Variants in FRK observed in about 807,000 individuals in gnomAD.
FRK encodes the protein tyrosine-protein kinase FRK.
Under a neutral mutation model 56.4 loss-of-function variants are expected in FRK, and 51 were observed. That is an observed-to-expected ratio of 0.90 (90% confidence interval 0.72 to 1.14). The LOEUF is 1.14. Ranked by LOEUF, FRK falls within the 50% of genes most tolerant of loss-of-function variation. The pLI, the probability that FRK is intolerant of heterozygous loss-of-function variation, is 0.00. For missense variants in FRK, 570 were observed against 601.4 expected (o/e 0.95, Z 0.55); for synonymous variants, 245 against 217.9 (o/e 1.12, Z -1.10).
intron 5 of FRK, among the ~76,000 whole-genome samples, chr6:115,945,303 G>T (rs1325175765): frequency 6.6e-6 from 1 of 152,158 alleles, no homozygotes; most frequent in Non-Finnish European, 1.5e-5. Flanking sequence ...CTTCCACAAT[G>T]GTTGAACTAA....
At position 115,968,725 on chromosome 6, in the gene FRK, C is replaced by A. The variant is rs143351471; in HGVS notation, c.481G>T (p.Val161Phe). 5 of 1,612,788 alleles carry A rather than the reference C, an allele frequency of 3.1e-6. No individual in the cohort carries two copies. The highest frequency in any genetic ancestry group is 2.5e-6 in the Non-Finnish European group (3 of 1,179,478). ...EFSLSVLDGAVVKHYRIKRLD... is the reference protein window; with the variant it reads ...EFSLSVLDGAFVKHYRIKRLD... ...CTTTTAATTCTGTAGTGTTTTACAA[C>A]TGCTCCATCTAAAACTGGAACCCAA... is the stretch of plus-strand genomic sequence containing the variant. The change falls in exon 3 of 8, where the codon GTT (valine) becomes TTT (phenylalanine). Residue 161 changes from valine to phenylalanine, a missense_variant. Coordinates refer to ENST00000606080, the MANE Select transcript of FRK (RefSeq NM_002031.3).
chr6:116,052,038 C>T (rs764597493), intron 1 of FRK, among the ~76,000 whole-genome samples: 6 of 152,042 alleles, frequency 3.9e-5, no homozygotes, highest in South Asian at 4.1e-4. Flanking sequence ...GCCAGTAAAT[C>T]CTCTACTTTA....
At position 115,937,812 on chromosome 6, in the gene FRK, C is replaced by A. The variant is rs779029159; in HGVS notation, c.*4602G>T. ...TATATATACACCCAATACAGAAGCA[C>A]CCAGATTCATAAAGCAAGTTCTTAG... On this transcript the variant is annotated 3_prime_UTR_variant, in exon 8 of 8. Coordinates refer to ENST00000606080, the MANE Select transcript of FRK (RefSeq NM_002031.3). 3.3e-5 allele frequency: 5 copies of A among 152,134 alleles called. No homozygotes were observed. The highest frequency in any genetic ancestry group is 7.4e-5 in the Non-Finnish European group (5 of 68,024). The allele number at this position is 152,134 out of a possible 1,614,324, so 9.4% of individuals were successfully genotyped here.
intron 1 of FRK, among the ~76,000 whole-genome samples, chr6:116,013,709 G>T (rs1026675615): frequency 6.6e-6 from 1 of 152,080 alleles, no homozygotes. Context: ...GACACTATAT[G>T]GTTATACAGG....
chr6:116,096,344 TC>T, the FRK span, among the ~76,000 whole-genome samples: 1 of 152,158 alleles, frequency 6.6e-6, no homozygotes, highest in African/African-American at 2.4e-5. Context: ...ACTTTGTGGG[TC>T]GAGTGGGGAT....
chr6:115,951,342 C>T (rs1363758965), intron 5 of FRK, among the ~76,000 whole-genome samples: 1 of 152,096 alleles, frequency 6.6e-6, no homozygotes, highest in Admixed American at 6.5e-5. Flanking sequence ...TAATTTAATA[C>T]TCTGAACAAC....
rs1223831560 is a variant in FRK, at chr6:115,941,631, C to T, written c.*783G>A. 6.6e-6 allele frequency: 1 copy of T among 152,058 alleles called. No individual in the cohort carries two copies. Among genetic ancestry groups the T allele is most frequent in the Admixed American group, 6.6e-5 (1 of 15,250 alleles). 9.4% of individuals were successfully genotyped at this position (152,058 alleles called of 1,614,324 possible). The stretch of plus-strand genomic sequence containing the variant: ...TCATTTTCCTAAACTATTTTGATAC[C>T]TATTTCTCAGACTTTATGGGCTATT... On this transcript the variant is annotated 3_prime_UTR_variant, in exon 8 of 8. Transcript: ENST00000606080.
the FRK span, among the ~76,000 whole-genome samples, chr6:116,071,652 T>C: frequency 6.6e-6 from 1 of 152,188 alleles, no homozygotes; most frequent in Non-Finnish European, 1.5e-5. Context: ...AAGCACACTC[T>C]GGTGTGCCTG....
chr6:116,093,657 A>G, the FRK span, among the ~76,000 whole-genome samples: 1 of 152,190 alleles, frequency 6.6e-6, no homozygotes, highest in African/African-American at 2.4e-5. Context: ...TGGGGACTGG[A>G]GTTGCAAACA....
chr6:115,986,385 C>T (rs1344440378), intron 2 of FRK, among the ~76,000 whole-genome samples: 1 of 152,076 alleles, frequency 6.6e-6, no homozygotes, highest in Non-Finnish European at 1.5e-5. Context: ...CCAGTCGAGC[C>T]ATGACCAAAC....
At chr6:116,072,993 A>T in the FRK span, among the ~76,000 whole-genome samples, 2 of 152,184 alleles carry the variant, frequency 1.3e-5, no homozygotes, top group African/African-American at 4.8e-5. Flanking sequence ...ATGTAATTTT[A>T]AAAATTTTTT....
chr6:116,100,605 C>G, the FRK span, among the ~76,000 whole-genome samples: 1 of 152,210 alleles, frequency 6.6e-6, no homozygotes, highest in African/African-American at 2.4e-5. Context: ...GCAGCAGCGG[C>G]ACCGCTCCTG....
At chr6:116,092,183 C>A in the FRK span, among the ~76,000 whole-genome samples, 2 of 152,170 alleles carry the variant, frequency 1.3e-5, no homozygotes, top group Non-Finnish European at 2.9e-5. Context: ...TGCCCAAAGC[C>A]CTGTCGGGTG....
the FRK span, among the ~76,000 whole-genome samples, chr6:116,092,883 G>A: frequency 6.6e-6 from 1 of 152,088 alleles, no homozygotes; most frequent in Non-Finnish European, 1.5e-5. Flanking sequence ...AAGCCATTGG[G>A]ACCAATTTGA....
the FRK span, among the ~76,000 whole-genome samples, chr6:116,073,067 T>C: frequency 1.3e-5 from 2 of 152,296 alleles, no homozygotes; most frequent in East Asian, 1.9e-4. Context: ...TGTATCAATA[T>C]GTCTCCACTG....
chr6:115,982,268 G>C (rs1290965832), intron 2 of FRK, among the ~76,000 whole-genome samples: 3 of 152,036 alleles, frequency 2.0e-5, no homozygotes, highest in Non-Finnish European at 2.9e-5. Context: ...CATACCATTA[G>C]CTCTCCCACT....
In FRK at chr6:116,060,670, G is replaced by A; in HGVS notation, c.-359C>T. The A allele has an allele frequency of 5.5e-6, 1 of 181,276 alleles. No homozygotes were observed. The highest frequency in any genetic ancestry group is 1.2e-5 in the Non-Finnish European group (1 of 86,006). 11.2% of individuals were successfully genotyped at this position (181,276 alleles called of 1,614,324 possible). ...TTAGACAAATATCTGAGAACAGAAT[G>A]GTGCCATCTTGCCTTTTGTCCCAAT... On this transcript the variant is annotated 5_prime_UTR_variant, in exon 1 of 8. Transcript: ENST00000606080.
At chr6:116,055,034 A>G (rs560261321) in intron 1 of FRK, among the ~76,000 whole-genome samples, 1 of 152,326 alleles carries the variant, frequency 6.6e-6, no homozygotes, top group Non-Finnish European at 1.5e-5. Context: ...ATTTGTATTC[A>G]ATAATTATTA....
chr6:115,945,481 T>G (rs1347044296), intron 5 of FRK, among the ~76,000 whole-genome samples: 1 of 152,152 alleles, frequency 6.6e-6, no homozygotes, highest in Non-Finnish European at 1.5e-5. Context: ...GAGCTTTTTG[T>G]TCACATGATT....
Sources: gnomAD v4.1 joint callset for allele counts (sites outside exome capture counted in the v4.1 genomes callset) on GRCh38, gnomAD v4.1.1 for gene constraint, MANE v1.5 for transcripts, NCBI Gene and HGNC (gene_info 2026-07-23, HGNC 2026-07-21) for gene names.